PTPRN2: variants seen among roughly 807,000 people sequenced by gnomAD.
PTPRN2 encodes the protein protein tyrosine phosphatase receptor type N2.
A neutral mutation model predicts 118.8 loss-of-function variants in PTPRN2; 74 were observed. The ratio of observed to expected loss-of-function variants is 0.62; its 90% CI spans 0.52 to 0.76. The LOEUF is 0.76. PTPRN2 is among the 30% of genes least tolerant of loss of function. The probability of loss-of-function intolerance (pLI) is 0.00; values close to 1 mark genes in which losing one functional copy is unlikely to be tolerated. For missense variants in PTPRN2, 1,481 were observed against 1,394.4 expected, an observed-to-expected ratio of 1.06 and a Z score of -0.99; for synonymous variants, 641 against 608.0, an observed-to-expected ratio of 1.05 and a Z score of -0.80.
At chr7:158,292,599 A>AC (rs904063592) in intron 3 of PTPRN2, among the ~76,000 whole-genome samples, 1 of 151,954 alleles carries the variant, frequency 6.6e-6, no homozygotes, top group African/African-American at 2.4e-5. Context: ...GCACTTACGC[A>AC]CCCCCAGATG....
intron 1 of PTPRN2, among the ~76,000 whole-genome samples, chr7:158,534,710 GTGGCC>G (rs1825540743): frequency 6.6e-6 from 1 of 152,222 alleles, no homozygotes; most frequent in Admixed American, 6.5e-5. Context: ...ACGTCACACA[GTGGCC>G]ATCTGCCCGG....
chr7:158,297,411 AGTCC>A (rs984693450), intron 3 of PTPRN2, among the ~76,000 whole-genome samples: 1 of 152,158 alleles, frequency 6.6e-6, no homozygotes, highest in Non-Finnish European at 1.5e-5. Flanking sequence ...GACACTGCAA[AGTCC>A]GTTCATTTGT....
At chr7:157,800,280 G>GC (rs1805180504) in intron 12 of PTPRN2, among the ~76,000 whole-genome samples, 2 of 152,352 alleles carry the variant, frequency 1.3e-5, no homozygotes, top group Non-Finnish European at 2.9e-5. Context: ...ACGCTCAGAG[G>GC]CCTCTGCTTA....
In PTPRN2 at chr7:157,568,853, C is replaced by T. The variant is rs1359787074; in HGVS notation, c.2902+49G>A. Reference sequence around the variant, plus strand: ...ACGGCACCCTACGTTGCCATAGCGACGCCATCCCAGCTCTGAGCCGCAACA... The same window carrying T: ...ACGGCACCCTACGTTGCCATAGCGATGCCATCCCAGCTCTGAGCCGCAACA... On this transcript the variant is annotated intron_variant, in intron 21 of 22. Transcript: ENST00000389418. 7.9e-6 allele frequency: 12 copies of T among 1,515,964 alleles called. No individual in the cohort carries two copies. The East Asian group carries it at 2.3e-4, about 28-fold the overall frequency. 93.9% of individuals were successfully genotyped at this position (1,515,964 alleles called of 1,614,324 possible).
chr7:157,862,241 G>A (rs368934876), intron 12 of PTPRN2, among the ~76,000 whole-genome samples: 12 of 152,362 alleles, frequency 7.9e-5, no homozygotes, highest in South Asian at 6.2e-4. Context: ...CTATGTCCAC[G>A]GAAGGTCCCA....
chr7:158,150,917 C>T (rs779472677), intron 6 of PTPRN2, among the ~76,000 whole-genome samples: 1 of 152,018 alleles, frequency 6.6e-6, no homozygotes, highest in African/African-American at 2.4e-5. Flanking sequence ...AAATGGGCCC[C>T]ACACAACACC....
intron 1 of PTPRN2, among the ~76,000 whole-genome samples, chr7:158,524,171 AGTC>A (rs757986576): frequency 1.7e-5 from 1 of 58,752 alleles, no homozygotes; most frequent in Non-Finnish European, 3.1e-5. Context: ...CCTGGAGTGG[AGTC>A]GTCTACCCTG....
chr7:158,217,324 G>A (rs981734361), intron 3 of PTPRN2, among the ~76,000 whole-genome samples: 3 of 152,170 alleles, frequency 2.0e-5, no homozygotes, highest in Admixed American at 2.0e-4. Flanking sequence ...CAGGGTTAGA[G>A]CATACAGCCC....
chr7:158,012,506 G>A (rs1163054761), intron 11 of PTPRN2, among the ~76,000 whole-genome samples: 1 of 152,266 alleles, frequency 6.6e-6, no homozygotes, highest in East Asian at 1.9e-4. Flanking sequence ...AGTATGTCCA[G>A]TGATTGACTT....
chr7:158,199,278 G>T (rs1473395407), intron 4 of PTPRN2, among the ~76,000 whole-genome samples: 1 of 152,154 alleles, frequency 6.6e-6, no homozygotes, highest in Non-Finnish European at 1.5e-5. Context: ...ATGTTCTCAG[G>T]TTCCTGGTGA....
At chr7:158,441,495 A>AGTGATCAGTGATGGTG (rs1165435093) in intron 2 of PTPRN2, among the ~76,000 whole-genome samples, 1 of 120,058 alleles carries the variant, frequency 8.3e-6, no homozygotes, top group Non-Finnish European at 1.7e-5. Flanking sequence ...TGATGGTGAT[A>AGTGATCAGTGATGGTG]GTGATGGTGA....
intron 2 of PTPRN2, among the ~76,000 whole-genome samples, chr7:158,420,822 G>A (rs114169944): frequency 0.024 from 3,677 of 152,264 alleles, 65 homozygotes; most frequent in Middle Eastern, 0.061. Flanking sequence ...CCATGGAAGC[G>A]GGGATGAAGT....
intron 11 of PTPRN2, among the ~76,000 whole-genome samples, chr7:158,058,045 T>A (rs1809935732): frequency 6.6e-6 from 1 of 152,276 alleles, no homozygotes. Flanking sequence ...CAATGATCTA[T>A]TGTAAGTAAA....
At chr7:158,186,420 C>T (rs966388788) in intron 5 of PTPRN2, among the ~76,000 whole-genome samples, 7 of 152,206 alleles carry the variant, frequency 4.6e-5, no homozygotes, top group African/African-American at 1.7e-4. Context: ...GGGCTCCTGA[C>T]ACTCTGCACC....
intron 11 of PTPRN2, among the ~76,000 whole-genome samples, chr7:158,059,611 C>G (rs1810146193): frequency 8.8e-6 from 1 of 113,602 alleles, no homozygotes. Context: ...TCCATCTGCA[C>G]ACGGTGACAC....
intron 14 of PTPRN2, among the ~76,000 whole-genome samples, chr7:157,645,567 A>G (rs1432345634): frequency 6.6e-6 from 1 of 152,242 alleles, no homozygotes; most frequent in Non-Finnish European, 1.5e-5. Flanking sequence ...AATTGCCTAC[A>G]TTGCCCTTAC....
At chr7:158,469,189 C>T (rs943187926) in intron 2 of PTPRN2, among the ~76,000 whole-genome samples, 5 of 152,182 alleles carry the variant, frequency 3.3e-5, no homozygotes, top group African/African-American at 1.2e-4. Context: ...CACCTGTAAC[C>T]CCAGCACTTA....
intron 2 of PTPRN2, among the ~76,000 whole-genome samples, chr7:158,336,279 G>A (rs1193625630): frequency 9.8e-6 from 1 of 102,294 alleles, no homozygotes; most frequent in Admixed American, 1.1e-4. Flanking sequence ...AGCCATAAGA[G>A]CTGACGCCCG....
At chr7:158,581,074 C>G (rs549418950) in intron 1 of PTPRN2, among the ~76,000 whole-genome samples, 81 of 152,244 alleles carry the variant, frequency 5.3e-4, no homozygotes, top group African/African-American at 1.9e-3. Context: ...GTGAAATGGT[C>G]CCCACTCCTG....
Sources: gnomAD v4.1 joint callset for allele counts (sites outside exome capture counted in the v4.1 genomes callset) on GRCh38, gnomAD v4.1.1 for gene constraint, MANE v1.5 for transcripts, NCBI Gene and HGNC (gene_info 2026-07-23, HGNC 2026-07-21) for gene names.